The following SMAD4 variants were observed in gnomAD, a reference collection of about 807,000 sequenced individuals.
SMAD4 encodes MAD homolog 4.
In SMAD4, 7 loss-of-function variants were observed where a neutral mutation model predicts 63.2. That is an observed-to-expected ratio of 0.11 (90% CI 0.06 to 0.21). SMAD4 has a LOEUF of 0.21. SMAD4 is among the 10% of genes least tolerant of loss of function. The pLI is 1.00. For missense variants in SMAD4, 312 were observed against 693.8 expected (o/e 0.45, Z 6.18); for synonymous variants, 215 against 235.4 (o/e 0.91, Z 0.79).
chr18:51,052,601 CT>C, intron 4 of SMAD4: 1 of 279,102 alleles, frequency 3.6e-6, no homozygotes, highest in Non-Finnish European at 7.1e-6. Flanking sequence ...AAAATATATA[CT>C]ATATGTTTTT....
rs147924441 is a variant in SMAD4 at position 51,051,404 on chromosome 18, A to C, written c.454+2080A>C. The C allele has an allele frequency of 1.9e-3, 848 of 456,130 alleles. 4 individuals carry two copies. The highest frequency in any genetic ancestry group is 6.2e-3 in the Middle Eastern group (19 of 3,060). The allele number at this position is 456,130 out of a possible 1,614,324, so 28.3% of individuals were successfully genotyped here. On this transcript the variant is annotated intron_variant, in intron 4 of 11. Transcript: ENST00000342988. ...CCTTCTAGATTTGGACAAAGGAATG[A>C]TACAAGAGCAGGTAACTAAAAGTTA...
At position 51,082,058 on chromosome 18, in the gene SMAD4, C is replaced by T; in HGVS notation, c.*3591C>T. On this transcript the variant is annotated 3_prime_UTR_variant, in exon 12 of 12. Transcript: ENST00000342988. Reference sequence around the variant, plus strand: ...TTGTTGATAATTTCTAGTTTGCTCCCTTCGTTATTGCCAACTTTACTGGCA... The same window carrying T: ...TTGTTGATAATTTCTAGTTTGCTCCTTTCGTTATTGCCAACTTTACTGGCA... The T allele has an allele frequency of 4.3e-6, 1 of 230,844 alleles. No homozygotes were observed. The highest frequency in any genetic ancestry group is 8.6e-6 in the Non-Finnish European group (1 of 116,626). The allele number at this position is 230,844 out of a possible 1,614,324, so 14.3% of individuals were successfully genotyped here. A position where few individuals can be genotyped will look rare whatever the true frequency, so the allele number is the denominator to read the frequency against.
At chr18:51,054,009 T>TA in intron 4 of SMAD4, 1 of 152,240 alleles carries the variant, frequency 6.6e-6, no homozygotes, top group East Asian at 1.9e-4. Flanking sequence ...CTTTTTGTCA[T>TA]ACAGCAGAGC....
At chr18:51,065,701 G>A in intron 9 of SMAD4, 95 bp downstream of exon 9, 1 of 941,802 alleles carries the variant, frequency 1.1e-6, no homozygotes, top group African/African-American at 1.7e-5. Flanking sequence ...CATTATATGT[G>A]TTCTTAAATA....
chr18:51,064,260 T>C (rs1263545256), intron 8 of SMAD4, among the ~76,000 whole-genome samples: 2 of 152,228 alleles, frequency 1.3e-5, no homozygotes, highest in Non-Finnish European at 2.9e-5. Context: ...TGAAATCTGT[T>C]CAGTCTTCAC....
chr18:51,031,942 A>G (rs1382295760), intron 1 of SMAD4, among the ~76,000 whole-genome samples: 1 of 152,158 alleles, frequency 6.6e-6, no homozygotes, highest in African/African-American at 2.4e-5. Flanking sequence ...TTCTGATATG[A>G]TTAGTACATA....
At position 51,082,794 on chromosome 18, in the gene SMAD4, AT is replaced by A. The variant is rs1181376407; in HGVS notation, c.*4328del. On this transcript the variant is annotated 3_prime_UTR_variant, in exon 12 of 12. Coordinates refer to ENST00000342988, the MANE Select transcript of SMAD4 (RefSeq NM_005359.6). ...TCCCTCTCTGATAATTACCATTCAT[AT>A]GTGAGTGTTAGTGTGCCTCCTTTTA... The A allele has an allele frequency of 2.6e-5, 6 of 229,162 alleles. No homozygotes were observed. The highest frequency in any genetic ancestry group is 1.3e-4 in the African/African-American group (6 of 45,036). The allele number at this position is 229,162 out of a possible 1,614,324, so 14.2% of individuals were successfully genotyped here.
At chr18:51,045,614 C>G (rs536229102) in intron 1 of SMAD4, among the ~76,000 whole-genome samples, 82 of 152,224 alleles carry the variant, frequency 5.4e-4, no homozygotes, top group Non-Finnish European at 5.9e-4. Flanking sequence ...ATTTAGTGAT[C>G]TCTTTAAAGA....
chr18:51,069,901 A>G, intron 10 of SMAD4, among the ~76,000 whole-genome samples: 1 of 152,196 alleles, frequency 6.6e-6, no homozygotes, highest in East Asian at 1.9e-4. Flanking sequence ...GTATACCCCT[A>G]GTACCTCCTA....
At position 51,078,450 on chromosome 18, in the gene SMAD4, C is replaced by G. The variant is rs876658866; in HGVS notation, c.1642C>G (p.Pro548Ala). ...EVLHTMPIAD[P>A]QPLD ...ACTTCATACCATGCCGATTGCAGAC[C>G]CACAACCTTTAGACTGAGGTCTTTT... is the stretch of plus-strand genomic sequence containing the variant. The change falls in exon 12 of 12, where the codon CCA becomes GCA. Residue 548 changes from proline to alanine, a missense_variant. Physicochemically the swap from Pro to Ala is conservative, Grantham distance 27. Coordinates refer to ENST00000342988, the MANE Select transcript of SMAD4 (RefSeq NM_005359.6). 6.2e-7 allele frequency: 1 copy of G among 1,613,832 alleles called. No individual in the cohort carries two copies. The highest frequency in any genetic ancestry group is 8.5e-7 in the Non-Finnish European group (1 of 1,179,750).
Position 51,083,668 on chromosome 18 carries a change from G to T in SMAD4, c.*5201G>T, listed in dbSNP as rs1910666149. On this transcript the variant is annotated 3_prime_UTR_variant, in exon 12 of 12. Coordinates refer to ENST00000342988, the MANE Select transcript of SMAD4 (RefSeq NM_005359.6). Reference sequence around the variant, plus strand: ...CTAGTTTGCCCTCTGCCACAAATTTGATGTGTGACCTTTGGGCAAGTCATT... The same window carrying T: ...CTAGTTTGCCCTCTGCCACAAATTTTATGTGTGACCTTTGGGCAAGTCATT... 1 of 227,940 alleles carries T rather than the reference G, an allele frequency of 4.4e-6. No homozygotes were observed. The highest frequency in any genetic ancestry group is 8.7e-6 in the Non-Finnish European group (1 of 114,854). The allele number at this position is 227,940 out of a possible 1,614,324, so 14.1% of individuals were successfully genotyped here.
rs116290327 is a variant in SMAD4, at chr18:51,046,558, T to C, written c.-127-362T>C. On this transcript the variant is annotated intron_variant, in intron 1 of 11. Coordinates refer to ENST00000342988, the MANE Select transcript of SMAD4 (RefSeq NM_005359.6). ...TTAGTAATAGACTTTTAGGTTTAAC[T>C]AGTGCTGATCCTCATAAGTAATCCT... Among the ~76,000 whole-genome samples the C allele has an allele frequency of 7.1e-3, 1,081 of 151,944 alleles. 10 individuals carry two copies. The highest frequency in any genetic ancestry group is 0.025 in the African/African-American group (1,022 of 41,474).
intron 8 of SMAD4, among the ~76,000 whole-genome samples, chr18:51,061,533 C>T (rs569309296): frequency 4.6e-5 from 7 of 152,238 alleles, no homozygotes; most frequent in Middle Eastern, 3.4e-3. Context: ...GACTGAATCG[C>T]ATTTTTTTTA....
chr18:51,045,312 CT>C (rs1909510775), intron 1 of SMAD4, among the ~76,000 whole-genome samples: 2 of 152,074 alleles, frequency 1.3e-5, no homozygotes, highest in South Asian at 4.2e-4. Context: ...TGGGAGGATA[CT>C]TTAAGGATTC....
At chr18:51,054,218 G>A (rs779118895) in intron 4 of SMAD4, 2 of 153,040 alleles carry the variant, frequency 1.3e-5, no homozygotes, top group South Asian at 2.0e-4. Context: ...TAATTTTTCC[G>A]TTTGGTTCTA....
Position 51,081,653 on chromosome 18 carries a change from T to C in SMAD4, c.*3186T>C, listed in dbSNP as rs886053911. ...TATTAGCTGTGCTGCATTTCAGACT[T>C]AAAATCCATTTTTGTGGGGCAGGGT... On this transcript the variant is annotated 3_prime_UTR_variant, in exon 12 of 12. Transcript: ENST00000342988. 1.3e-5 allele frequency: 3 copies of C among 232,808 alleles called. No homozygotes were observed. The East Asian group carries it at 1.8e-4, about 14-fold the overall frequency. 14.4% of individuals were successfully genotyped at this position (232,808 alleles called of 1,614,324 possible). A position where few individuals can be genotyped will look rare whatever the true frequency, so the allele number is the denominator to read the frequency against.
chr18:51,054,851 A>G lies in SMAD4; in HGVS notation c.525A>G (p.Glu175=), dbSNP rs368528856. Residue 175 remains glutamate, a synonymous_variant, in exon 5 of 12, where the codon GAA becomes GAG. Coordinates refer to ENST00000342988, the MANE Select transcript of SMAD4 (RefSeq NM_005359.6). ...AGGGACAGCCATCGTTGTCCACTGA[A>G]GGACATTCAATTCAAACCATCCAGC... ...DFEGQPSLST[E]GHSIQTIQHP... 4 of 1,613,854 alleles carry G rather than the reference A, an allele frequency of 2.5e-6. No homozygotes were observed. The African/African-American group carries it at 4.0e-5, about 16-fold the overall frequency.
chr18:51,036,812 C>T (rs1041708068), intron 1 of SMAD4, among the ~76,000 whole-genome samples: 2 of 152,142 alleles, frequency 1.3e-5, no homozygotes, highest in African/African-American at 2.4e-5. Flanking sequence ...TTGATACATC[C>T]CCCTTTGAAG....
At chr18:51,056,620 CAAAAA>C (rs74178610) in intron 5 of SMAD4, among the ~76,000 whole-genome samples, 15 of 59,316 alleles carry the variant, frequency 2.5e-4, no homozygotes, top group African/African-American at 8.3e-4. Flanking sequence ...ACTCCATCTC[CAAAAA>C]AAAAAAAAAA....
Sources: gnomAD v4.1 joint callset for allele counts (sites outside exome capture counted in the v4.1 genomes callset) on GRCh38, gnomAD v4.1.1 for gene constraint, MANE v1.5 for transcripts, NCBI Gene and HGNC (gene_info 2026-07-23, HGNC 2026-07-21) for gene names.